XKR9: variants seen among roughly 807,000 people sequenced by gnomAD.
The protein encoded by XKR9 is XK-related protein 9.
In XKR9, 32 loss-of-function variants were observed where a neutral mutation model predicts 32.0. The ratio of observed to expected loss-of-function variants is 1.00; its 90% CI spans 0.76 to 1.34. The LOEUF (loss-of-function observed/expected upper bound fraction) is 1.34. Among genes scored for constraint, XKR9 ranks in the 40% most tolerant of loss-of-function variants. The probability of loss-of-function intolerance (pLI) is 0.00; values close to 1 mark genes in which losing one functional copy is unlikely to be tolerated. For synonymous variants in XKR9, 168 were observed against 143.4 expected (o/e 1.17, Z -1.22); for missense variants, 546 against 429.7 (o/e 1.27, Z -2.39).
chr8:70,912,363 C>A, the XKR9 span, among the ~76,000 whole-genome samples: 5 of 152,026 alleles, frequency 3.3e-5, no homozygotes, highest in African/African-American at 9.7e-5. Flanking sequence ...TACATGAAGA[C>A]TATACCAAGG....
At chr8:70,733,704 G>C (rs1191993787) in intron 4 of XKR9, 92 bp from the exon 5 acceptor site, 1 of 1,174,042 alleles carries the variant, frequency 8.5e-7, no homozygotes, top group African/African-American at 1.6e-5. Context: ...GTTTGTGGGT[G>C]TGTGTATATA....
the XKR9 span, among the ~76,000 whole-genome samples, chr8:70,870,831 AC>A: frequency 6.6e-6 from 1 of 152,284 alleles, no homozygotes; most frequent in Admixed American, 6.5e-5. Context: ...TGGAACTTGA[AC>A]CATGTGATTC....
downstream of XKR9, among the ~76,000 whole-genome samples, chr8:70,794,722 A>G (rs1039044204): frequency 6.6e-6 from 1 of 151,476 alleles, no homozygotes; most frequent in Non-Finnish European, 1.5e-5. Flanking sequence ...GGTGTCTTAT[A>G]TGGTGTCTAC....
At chr8:70,670,250 C>T (rs1451053110) in intron 1 of XKR9, among the ~76,000 whole-genome samples, 1 of 151,982 alleles carries the variant, frequency 6.6e-6, no homozygotes, top group Non-Finnish European at 1.5e-5. Flanking sequence ...TACCTGCCTG[C>T]CCAGAGAGCT....
intron 2 of XKR9, among the ~76,000 whole-genome samples, chr8:70,760,992 C>T (rs1400887751): frequency 6.6e-6 from 1 of 152,170 alleles, no homozygotes; most frequent in Non-Finnish European, 1.5e-5. Flanking sequence ...TGTTACTTTG[C>T]TAAAGATAAT....
chr8:70,812,394 C>T, the XKR9 span, among the ~76,000 whole-genome samples: 7 of 152,140 alleles, frequency 4.6e-5, no homozygotes, highest in Non-Finnish European at 1.0e-4. Flanking sequence ...GACAGGGATG[C>T]CCTCTCTCAC....
the XKR9 span, among the ~76,000 whole-genome samples, chr8:71,053,839 G>C: frequency 6.6e-6 from 1 of 152,180 alleles, no homozygotes; most frequent in Admixed American, 6.5e-5. Context: ...AAGCTTTTGG[G>C]AATACTGGCT....
the XKR9 span, among the ~76,000 whole-genome samples, chr8:70,912,393 G>A: frequency 3.0e-4 from 45 of 152,216 alleles, no homozygotes; most frequent in African/African-American, 9.9e-4. Flanking sequence ...TGAGAATGAA[G>A]AGGAGGGGGC....
the XKR9 span, among the ~76,000 whole-genome samples, chr8:70,979,596 A>G: frequency 6.6e-6 from 1 of 152,204 alleles, no homozygotes; most frequent in Non-Finnish European, 1.5e-5. Flanking sequence ...ATTGCAGAAC[A>G]GCAAATATTG....
chr8:70,720,306 A>T (rs1476297415), intron 4 of XKR9, among the ~76,000 whole-genome samples: 5 of 152,102 alleles, frequency 3.3e-5, no homozygotes, highest in Admixed American at 3.3e-4. Context: ...CTCTTGCCTG[A>T]TTGCTCTGGC....
chr8:70,913,106 A>G, the XKR9 span, among the ~76,000 whole-genome samples: 1 of 152,158 alleles, frequency 6.6e-6, no homozygotes, highest in Non-Finnish European at 1.5e-5. Flanking sequence ...ACAACCAGTT[A>G]AGGTATGTGT....
chr8:70,682,991 C>T (rs7831507), intron 3 of XKR9, among the ~76,000 whole-genome samples: 50,256 of 152,122 alleles, frequency 0.33, 9,428 homozygotes, highest in Non-Finnish European at 0.43. Context: ...ATCTATTGAA[C>T]TAGGCCTCTC....
the XKR9 span, among the ~76,000 whole-genome samples, chr8:71,015,975 C>G: frequency 6.6e-6 from 1 of 151,676 alleles, no homozygotes; most frequent in African/African-American, 2.4e-5. Flanking sequence ...AATAAGGCAG[C>G]CAAAAGTCAT....
the XKR9 span, among the ~76,000 whole-genome samples, chr8:71,032,997 T>A: frequency 2.6e-5 from 4 of 151,186 alleles, no homozygotes; most frequent in Non-Finnish European, 5.9e-5. Flanking sequence ...GGCAGGAGAA[T>A]CGCTTGAACC....
At chr8:70,900,644 A>T in the XKR9 span, among the ~76,000 whole-genome samples, 1 of 152,100 alleles carries the variant, frequency 6.6e-6, no homozygotes, top group African/African-American at 2.4e-5. Flanking sequence ...ATATTTTAGC[A>T]TACTTGGCTC....
the XKR9 span, among the ~76,000 whole-genome samples, chr8:70,956,171 T>G: frequency 1.3e-5 from 2 of 152,098 alleles, no homozygotes; most frequent in Admixed American, 6.5e-5. Flanking sequence ...GGGTCCTGAG[T>G]TCTTCTCCCA....
rs568401672 is a variant in XKR9, at chr8:70,733,913, CAT to C, written c.614_615del (p.Tyr205SerfsTer24). ...CTTAATGGATTATGTCCCAAAATCA[CAT>C]ATCTCTTTTACAAGTTGTTTACATT... On this transcript the variant is annotated frameshift_variant, in exon 5 of 5. Coordinates refer to ENST00000408926, the MANE Select transcript of XKR9 (RefSeq NM_001011720.2). LOFTEE classifies it high-confidence loss of function. The C allele has an allele frequency of 3.4e-4, 546 of 1,612,672 alleles. No homozygotes were observed. Among genetic ancestry groups the C allele is most frequent in the Non-Finnish European group, 4.2e-4 (498 of 1,179,654 alleles).
the XKR9 span, among the ~76,000 whole-genome samples, chr8:70,910,384 C>T: frequency 4.9e-4 from 75 of 152,220 alleles, no homozygotes; most frequent in Admixed American, 1.0e-3. Flanking sequence ...CAAATCTCAG[C>T]TTTTCTACTA....
chr8:70,744,937 T>A (rs183802336), intron 2 of XKR9, among the ~76,000 whole-genome samples: 22 of 150,278 alleles, frequency 1.5e-4, no homozygotes, highest in Admixed American at 6.6e-4. Context: ...TATAGTTTTT[T>A]AAAAAGTCTA....
Sources: gnomAD v4.1 joint callset for allele counts (sites outside exome capture counted in the v4.1 genomes callset) on GRCh38, gnomAD v4.1.1 for gene constraint, MANE v1.5 for transcripts, NCBI Gene and HGNC (gene_info 2026-07-23, HGNC 2026-07-21) for gene names.